Variants in XKR6 observed in about 807,000 individuals in gnomAD.
XKR6 encodes the protein XK-related protein 6.
Under a neutral mutation model 56.7 loss-of-function variants are expected in XKR6, and 22 were observed. The observed-to-expected ratio is 0.39, with a 90% confidence interval of 0.28 to 0.55. The LOEUF (loss-of-function observed/expected upper bound fraction) is 0.55. Among genes scored for constraint, XKR6 ranks in the 20% least tolerant of loss-of-function variants. The probability of loss-of-function intolerance (pLI) is 0.66; values close to 1 mark genes in which losing one functional copy is unlikely to be tolerated. For synonymous variants in XKR6, 524 were observed against 387.8 expected (o/e 1.35, Z -4.13); for missense variants, 852 against 889.0 (o/e 0.96, Z 0.53).
intron 1 of XKR6, among the ~76,000 whole-genome samples, chr8:11,045,701 A>C (rs546132587): frequency 1.6e-3 from 240 of 152,216 alleles, no homozygotes; most frequent in African/African-American, 5.5e-3. Context: ...CACCAACCAC[A>C]TCAGGTCTTT....
chr8:11,071,309 G>A (rs1472868751), intron 1 of XKR6, among the ~76,000 whole-genome samples: 3 of 152,068 alleles, frequency 2.0e-5, no homozygotes, highest in Non-Finnish European at 2.9e-5. Context: ...GCATGATCTC[G>A]GCTCACTGCA....
intron 1 of XKR6, among the ~76,000 whole-genome samples, chr8:10,953,170 A>G (rs572677431): frequency 1.3e-5 from 2 of 152,266 alleles, no homozygotes; most frequent in African/African-American, 4.8e-5. Context: ...TCAATGTAAT[A>G]CTCATCCTGA....
At chr8:10,964,208 C>A (rs1802145874) in intron 1 of XKR6, among the ~76,000 whole-genome samples, 1 of 152,150 alleles carries the variant, frequency 6.6e-6, no homozygotes. Flanking sequence ...TGGGGGAAGA[C>A]CTTGATTGGA....
At chr8:10,956,819 C>T (rs1801904610) in intron 1 of XKR6, among the ~76,000 whole-genome samples, 1 of 152,206 alleles carries the variant, frequency 6.6e-6, no homozygotes, top group Non-Finnish European at 1.5e-5. Context: ...AATCTGTCTT[C>T]AGCTTCTCAG....
chr8:11,113,429 T>A (rs1467205702), intron 1 of XKR6, among the ~76,000 whole-genome samples: 1 of 152,248 alleles, frequency 6.6e-6, no homozygotes, highest in African/African-American at 2.4e-5. Flanking sequence ...GCCACTGTAT[T>A]ATCTTCAACC....
intron 1 of XKR6, among the ~76,000 whole-genome samples, chr8:11,087,793 C>T (rs990492680): frequency 3.9e-5 from 6 of 152,208 alleles, no homozygotes; most frequent in African/African-American, 1.4e-4. Flanking sequence ...ATCTCACACG[C>T]AAAGGTCATC....
At chr8:11,108,737 G>A (rs949694697) in intron 1 of XKR6, 6 of 203,214 alleles carry the variant, frequency 3.0e-5, no homozygotes, top group Non-Finnish European at 4.9e-5. Context: ...ACCACAGATG[G>A]GCGCGAGAAC....
chr8:10,995,444 C>A (rs1394413222), intron 1 of XKR6, among the ~76,000 whole-genome samples: 1 of 146,200 alleles, frequency 6.8e-6, no homozygotes, highest in East Asian at 2.0e-4. Context: ...AACCCTATAT[C>A]TAATATATAT....
intron 1 of XKR6, among the ~76,000 whole-genome samples, chr8:11,141,006 A>T (rs904266063): frequency 3.9e-5 from 6 of 152,100 alleles, no homozygotes; most frequent in Non-Finnish European, 8.8e-5. Flanking sequence ...GTATAAACTG[A>T]TTACACAGTT....
chr8:10,981,766 T>A (rs1797740448), intron 1 of XKR6, among the ~76,000 whole-genome samples: 1 of 152,248 alleles, frequency 6.6e-6, no homozygotes. Flanking sequence ...ATCCTTCATA[T>A]TCTAGCTTCA....
intron 2 of XKR6, among the ~76,000 whole-genome samples, chr8:10,915,371 C>T (rs1201595453): frequency 6.6e-6 from 1 of 152,226 alleles, no homozygotes; most frequent in African/African-American, 2.4e-5. Context: ...ACCTCGCTCA[C>T]TTTCACTGGC....
chr8:10,964,959 T>C (rs1463646564), intron 1 of XKR6, among the ~76,000 whole-genome samples: 1 of 152,230 alleles, frequency 6.6e-6, no homozygotes, highest in Non-Finnish European at 1.5e-5. Flanking sequence ...TGCAGGTGTG[T>C]TTACAGGCTT....
intron 1 of XKR6, among the ~76,000 whole-genome samples, chr8:11,102,444 G>C (rs1008836673): frequency 6.6e-6 from 1 of 152,142 alleles, no homozygotes; most frequent in African/African-American, 2.4e-5. Flanking sequence ...TGCTTCTCAA[G>C]TTCCCCTACC....
Position 11,200,942 on chromosome 8 carries a change from A to G in XKR6, c.398T>C (p.Val133Ala). The change falls in exon 1 of 3, where the codon GTG becomes GCG. Residue 133 changes from valine to alanine, a missense_variant. Physicochemically the swap from Val to Ala is moderately conservative, Grantham distance 64 (BLOSUM62 0). Coordinates refer to ENST00000416569, the MANE Select transcript of XKR6 (RefSeq NM_173683.4). The surrounding 1 kb of genome is among the most constrained non-coding windows in gnomAD (Gnocchi z 6.4). The part of the protein sequence containing the change: ...ERPWLDCLWI[V>A]LALLVFFGDV... The stretch of plus-strand genomic sequence containing the variant: ...CCCGAAGAACACCAGCAGCGCCAGC[A>G]CGATCCACAGGCAGTCGAGCCACGG... 1 of 1,603,112 alleles carries G rather than the reference A, an allele frequency of 6.2e-7. No individual in the cohort carries two copies. The highest frequency in any genetic ancestry group is 8.5e-7 in the Non-Finnish European group (1 of 1,177,852).
intron 1 of XKR6, among the ~76,000 whole-genome samples, chr8:11,059,453 C>A (rs886399823): frequency 3.9e-5 from 6 of 152,144 alleles, no homozygotes; most frequent in African/African-American, 1.2e-4. Context: ...GTCCCCGCGC[C>A]GGCGCCGAGA....
intron 2 of XKR6, among the ~76,000 whole-genome samples, chr8:10,902,958 C>T (rs933156173): frequency 6.6e-6 from 1 of 152,100 alleles, no homozygotes; most frequent in Non-Finnish European, 1.5e-5. Context: ...TTTTTGGGAC[C>T]GGAGTTGGTA....
chr8:11,109,131 C>A (rs1290718191), intron 1 of XKR6: 3 of 152,182 alleles, frequency 2.0e-5, no homozygotes, highest in East Asian at 1.9e-4. Flanking sequence ...TTTTCTAGTA[C>A]AACTGAGGCC....
At chr8:11,075,086 AAG>A (rs1800236858) in intron 1 of XKR6, among the ~76,000 whole-genome samples, 1 of 151,964 alleles carries the variant, frequency 6.6e-6, no homozygotes. Flanking sequence ...GTGGGGAGGG[AAG>A]AGGATGCTGC....
intron 1 of XKR6, among the ~76,000 whole-genome samples, chr8:11,049,665 G>A (rs770999521): frequency 7.9e-5 from 12 of 152,312 alleles, no homozygotes; most frequent in Middle Eastern, 3.4e-3. Context: ...CCACCTCCCC[G>A]TGGGCTGGCA....
Sources: allele counts gnomAD v4.1 joint callset (sites outside exome capture counted in the v4.1 genomes callset), GRCh38; gene constraint gnomAD v4.1.1; non-coding constraint Gnocchi (gnomAD v3.1); transcripts MANE v1.5; gene names NCBI Gene and HGNC (gene_info 2026-07-23, HGNC 2026-07-21).